ZNF618: variants seen among roughly 807,000 people sequenced by gnomAD.
The protein encoded by ZNF618 is neural precursor cell expressed, developmentally down-regulated 10.
In ZNF618, 34 loss-of-function variants were observed where a neutral mutation model predicts 103.0. The observed-to-expected ratio is 0.33, with a 90% CI of 0.25 to 0.44. ZNF618 has a LOEUF of 0.44. Ranked by LOEUF, ZNF618 falls within the 20% of genes least tolerant of loss-of-function variation. ZNF618 has a pLI of 1.00. For missense variants in ZNF618, 1,059 were observed against 1,295.4 expected (o/e 0.82, Z 2.80); for synonymous variants, 551 against 542.2 (o/e 1.02, Z -0.23).
At position 113,980,269 on chromosome 9, in the gene ZNF618, T is replaced by C. The variant is rs1200091648; in HGVS notation, c.78-8052T>C. On this transcript the variant is annotated intron_variant, in intron 2 of 14. Coordinates refer to ENST00000374126, the MANE Select transcript of ZNF618 (RefSeq NM_001318042.2). ...AGGAAGCAGAATTGTTTTCCTCTCT[T>C]GGGAGAAGAGATGTAGCAGCAGGGT... 2.6e-5 allele frequency among the ~76,000 whole-genome samples: 4 copies of C among 152,180 alleles called. No individual in the cohort carries two copies. In the East Asian group the frequency reaches 5.8e-4, roughly 22 times the overall value.
chr9:113,899,988 C>A (rs916953276), intron 1 of ZNF618, among the ~76,000 whole-genome samples: 2 of 152,032 alleles, frequency 1.3e-5, no homozygotes, highest in African/African-American at 4.8e-5. Flanking sequence ...TTGGTATGTA[C>A]CTAGAAATGG....
chr9:113,947,422 A>G (rs1320495626), intron 1 of ZNF618, among the ~76,000 whole-genome samples: 1 of 152,192 alleles, frequency 6.6e-6, no homozygotes, highest in Non-Finnish European at 1.5e-5. Flanking sequence ...AATAATTATA[A>G]TGTACTCATG....
At chr9:113,942,092 C>T (rs1039815571) in intron 1 of ZNF618, among the ~76,000 whole-genome samples, 5 of 152,200 alleles carry the variant, frequency 3.3e-5, no homozygotes, top group Non-Finnish European at 7.3e-5. Flanking sequence ...AATACGGGAA[C>T]TGTTTTTTCT....
At chr9:113,899,835 G>A (rs1195414624) in intron 1 of ZNF618, among the ~76,000 whole-genome samples, 2 of 152,146 alleles carry the variant, frequency 1.3e-5, no homozygotes, top group Non-Finnish European at 2.9e-5. Context: ...GAATAATACT[G>A]TCATATGTAC....
rs561973024 is a variant in ZNF618 at position 113,999,744 on chromosome 9, C to T, written c.433+1390C>T. 8.5e-5 allele frequency among the ~76,000 whole-genome samples: 13 copies of T among 152,358 alleles called. No homozygotes were observed. The South Asian group carries it at 2.7e-3, about 32-fold the overall frequency. On this transcript the variant is annotated intron_variant, in intron 4 of 14. Coordinates refer to ENST00000374126, the MANE Select transcript of ZNF618 (RefSeq NM_001318042.2). ...AGGCCCTGCACTTGCTGCCCTAACG[C>T]CATCATCGTGCGTTGTCCCTGTGCC...
At position 114,049,128 on chromosome 9, in the gene ZNF618, C is replaced by T. The variant is rs754278376; in HGVS notation, c.1826C>T (p.Ser609Leu). The change falls in exon 15 of 15, where the codon TCG (serine) becomes TTG (leucine). Residue 609 changes from serine (S) to leucine (L), a missense_variant. Physicochemically the swap from Ser to Leu is moderately radical, Grantham distance 145. Transcript: ENST00000374126. ...AACGTGCTGTCGGAGTTCGTGATGTCGGAGATCAGGACAGTGTACGTGACG... is the reference window on the plus strand; with the variant it reads ...AACGTGCTGTCGGAGTTCGTGATGTTGGAGATCAGGACAGTGTACGTGACG... ...VQNVLSEFVM[S>L]EIRTVYVTDC... The T allele has an allele frequency of 6.2e-6, 10 of 1,613,692 alleles. No individual in the cohort carries two copies. The East Asian group carries it at 8.9e-5, about 14-fold the overall frequency.
intron 13 of ZNF618, among the ~76,000 whole-genome samples, chr9:114,039,993 C>T (rs1460575393): frequency 1.3e-5 from 2 of 151,034 alleles, no homozygotes; most frequent in African/African-American, 5.0e-5. Context: ...ATTTTCATCT[C>T]AAGCTATAAA....
At chr9:113,950,481 C>T (rs894802865) in intron 1 of ZNF618, among the ~76,000 whole-genome samples, 1 of 152,174 alleles carries the variant, frequency 6.6e-6, no homozygotes, top group African/African-American at 2.4e-5. Flanking sequence ...GTGAGTCTGT[C>T]TTGGGGAGAT....
chr9:114,023,583 A>G (rs574672265), intron 10 of ZNF618, among the ~76,000 whole-genome samples: 2 of 152,274 alleles, frequency 1.3e-5, no homozygotes, highest in Admixed American at 6.5e-5. Context: ...CTTCGTATAC[A>G]TCTGAATTCC....
At chr9:113,909,098 C>T (rs906564999) in intron 1 of ZNF618, among the ~76,000 whole-genome samples, 3 of 152,012 alleles carry the variant, frequency 2.0e-5, no homozygotes, top group East Asian at 2.0e-4. Flanking sequence ...CTCTGCCCCT[C>T]GGCTGCTGTG....
chr9:114,034,020 G>A (rs1260736517), intron 12 of ZNF618, among the ~76,000 whole-genome samples: 4 of 152,194 alleles, frequency 2.6e-5, no homozygotes, highest in Non-Finnish European at 5.9e-5. Context: ...TGGTGACTTA[G>A]GCTAGTCTCT....
chr9:113,981,947 T>C (rs1330707825), intron 2 of ZNF618, among the ~76,000 whole-genome samples: 1 of 152,140 alleles, frequency 6.6e-6, no homozygotes, highest in Non-Finnish European at 1.5e-5. Flanking sequence ...CTCTTGTCAA[T>C]GCCAAGCATG....
At chr9:114,028,510 G>A in intron 10 of ZNF618, 1 of 638,934 alleles carries the variant, frequency 1.6e-6, no homozygotes, top group Middle Eastern at 4.3e-4. Context: ...TACACAGTGG[G>A]CTGGTTGGTG....
intron 1 of ZNF618, among the ~76,000 whole-genome samples, chr9:113,943,696 C>T (rs1031578369): frequency 3.3e-5 from 5 of 151,992 alleles, no homozygotes; most frequent in African/African-American, 9.6e-5. Flanking sequence ...TTATAAAACC[C>T]GAAAGTCCCA....
At chr9:113,879,813 G>A (rs1454760833) in intron 1 of ZNF618, among the ~76,000 whole-genome samples, 1 of 150,426 alleles carries the variant, frequency 6.6e-6, no homozygotes, top group Non-Finnish European at 1.5e-5. Context: ...TTTCTAACAA[G>A]GTTTGAAATT....
At position 113,876,379 on chromosome 9, in the gene ZNF618, C is replaced by G; in HGVS notation, c.-2C>G. The G allele has an allele frequency of 8.4e-7, 1 of 1,194,586 alleles. No individual in the cohort carries two copies. The highest frequency in any genetic ancestry group is 1.0e-6 in the Non-Finnish European group (1 of 964,682). 74.0% of individuals were successfully genotyped at this position (1,194,586 alleles called of 1,614,324 possible). ...CGGGGCCGCCTCCTCCCGCACGGAC[C>G]CATGAACCAGCCGGGCGGCGCGGCG... On this transcript the variant is annotated 5_prime_UTR_variant, in exon 1 of 15. Coordinates refer to ENST00000374126, the MANE Select transcript of ZNF618 (RefSeq NM_001318042.2).
At chr9:114,032,798 C>T (rs567150752) in intron 12 of ZNF618, 70 bp downstream of exon 12, 18 of 1,379,404 alleles carry the variant, frequency 1.3e-5, no homozygotes, top group Middle Eastern at 1.8e-4. Flanking sequence ...CTGGCAGCCG[C>T]GGCAGCATCC....
At chr9:114,037,871 A>G (rs1432614457) in intron 13 of ZNF618, among the ~76,000 whole-genome samples, 1 of 152,138 alleles carries the variant, frequency 6.6e-6, no homozygotes, top group Non-Finnish European at 1.5e-5. Context: ...AGAGCTCTGG[A>G]GTGGCAGCCA....
At chr9:114,001,279 G>GA (rs1456734053) in intron 4 of ZNF618, among the ~76,000 whole-genome samples, 1 of 151,880 alleles carries the variant, frequency 6.6e-6, no homozygotes, top group Non-Finnish European at 1.5e-5. Flanking sequence ...GCAAGGGGCT[G>GA]GGGGGGCCAG....
Sources: allele counts gnomAD v4.1 joint callset (sites outside exome capture counted in the v4.1 genomes callset), GRCh38; gene constraint gnomAD v4.1.1; transcripts MANE v1.5; gene names NCBI Gene and HGNC (gene_info 2026-07-23, HGNC 2026-07-21).